The following IKBKB variants were observed in gnomAD, a reference collection of about 807,000 sequenced individuals.
The protein encoded by IKBKB is inhibitor of nuclear factor kappa-B kinase subunit beta.
Under a neutral mutation model 113.6 loss-of-function variants are expected in IKBKB, and 42 were observed. The observed-to-expected ratio is 0.37, with a 90% confidence interval of 0.29 to 0.48. IKBKB has a LOEUF of 0.48. IKBKB is among the 20% of genes least tolerant of loss of function. IKBKB has a pLI of 0.99. For missense variants in IKBKB, 673 were observed against 939.7 expected (o/e 0.72, Z 3.71); for synonymous variants, 296 against 361.3 (o/e 0.82, Z 2.05).
chr8:42,324,289 A>G (rs1476792220), intron 19 of IKBKB, among the ~76,000 whole-genome samples: 1 of 151,748 alleles, frequency 6.6e-6, no homozygotes, highest in Non-Finnish European at 1.5e-5. Context: ...TTTCGAGACA[A>G]AGTCTCGCTC....
intron 2 of IKBKB, among the ~76,000 whole-genome samples, chr8:42,278,052 T>G (rs1272299715): frequency 6.6e-6 from 1 of 152,214 alleles, no homozygotes; most frequent in Non-Finnish European, 1.5e-5. Context: ...AAGGACCCAG[T>G]GCACTGAGAC....
At position 42,316,104 on chromosome 8, in the gene IKBKB, T is replaced by C; in HGVS notation, c.801-106T>C. On this transcript the variant is annotated intron_variant, in intron 9 of 21. Transcript: ENST00000520810. This position sits in a 1 kb window ranked among gnomAD's most constrained non-coding sequence, Gnocchi z 4.5. ...GTTTCTGATAAACCCATTTTCATTTTCAATCACCGTCTACTGGCTGCCGTC... is the reference window on the plus strand; with the variant it reads ...GTTTCTGATAAACCCATTTTCATTTCCAATCACCGTCTACTGGCTGCCGTC... 1 of 1,249,076 alleles carries C rather than the reference T, an allele frequency of 8.0e-7. No individual in the cohort carries two copies. Among genetic ancestry groups the C allele is most frequent in the East Asian group, 2.4e-5 (1 of 41,320 alleles). 77.4% of individuals were successfully genotyped at this position (1,249,076 alleles called of 1,614,324 possible).
chr8:42,297,906 A>G (rs1416112503), intron 5 of IKBKB, among the ~76,000 whole-genome samples: 1 of 151,888 alleles, frequency 6.6e-6, no homozygotes, highest in Non-Finnish European at 1.5e-5. Context: ...AAAAAAAAAG[A>G]AAAAAGAATG....
At chr8:42,273,941 C>T (rs183526954) in intron 2 of IKBKB, among the ~76,000 whole-genome samples, 123 of 152,158 alleles carry the variant, frequency 8.1e-4, no homozygotes, top group Non-Finnish European at 1.4e-3. Flanking sequence ...ATGATCAAAT[C>T]GGGGTAATTG....
In IKBKB at chr8:42,322,102, A is replaced by G; in HGVS notation, c.1787A>G (p.Gln596Arg). ...CAGGAAATGGTACGGCTGCTGCTTC[A>G]GGCAATTCAGAGCTTCGAGAAGAAA... Reference protein sequence around the residue: ...DSQEMVRLLLQAIQSFEKKVR... With the variant: ...DSQEMVRLLLRAIQSFEKKVR... The change falls in exon 18 of 22, where the codon CAG becomes CGG. Residue 596 changes from glutamine (Q) to arginine (R), a missense_variant. Coordinates refer to ENST00000520810, the MANE Select transcript of IKBKB (RefSeq NM_001556.3). The G allele has an allele frequency of 6.2e-7, 1 of 1,613,940 alleles. No homozygotes were observed. The highest frequency in any genetic ancestry group is 8.5e-7 in the Non-Finnish European group (1 of 1,179,980).
intron 19 of IKBKB, 123 bp downstream of exon 19, chr8:42,322,617 C>G: frequency 3.0e-6 from 3 of 994,632 alleles, no homozygotes; most frequent in Non-Finnish European, 4.5e-6. Context: ...TCAGCTGCTG[C>G]TCGGGCTTCA....
chr8:42,319,788 GC>G, intron 15 of IKBKB, 142 bp downstream of exon 15: 1 of 712,880 alleles, frequency 1.4e-6, no homozygotes. Context: ...AACTGGACCA[GC>G]TGAAAAGAGG....
intron 8 of IKBKB, among the ~76,000 whole-genome samples, chr8:42,313,051 C>T (rs150048875): frequency 9.2e-5 from 14 of 152,242 alleles, no homozygotes; most frequent in Non-Finnish European, 5.9e-5. Flanking sequence ...GGGCCTGTCA[C>T]GGCAATAAGT....
intron 2 of IKBKB, among the ~76,000 whole-genome samples, chr8:42,273,406 C>T (rs1364870860): frequency 1.4e-5 from 2 of 144,304 alleles, no homozygotes; most frequent in East Asian, 3.9e-4. Context: ...CAGAATGAGA[C>T]CCTGTCTCAA....
chr8:42,301,899 C>A (rs1815291180), intron 5 of IKBKB, among the ~76,000 whole-genome samples: 2 of 152,192 alleles, frequency 1.3e-5, no homozygotes, highest in Admixed American at 6.5e-5. Context: ...TAGCCTCCAG[C>A]TCTGGGGGCC....
At chr8:42,329,092 C>G in intron 20 of IKBKB, 32 bp from the exon 21 acceptor site, 1 of 1,551,080 alleles carries the variant, frequency 6.4e-7, no homozygotes, top group Non-Finnish European at 8.8e-7. Flanking sequence ...CTAATAATGA[C>G]CACTTTCTAA....
intron 20 of IKBKB, among the ~76,000 whole-genome samples, chr8:42,328,296 A>G (rs1277000821): frequency 7.2e-6 from 1 of 138,704 alleles, no homozygotes; most frequent in Non-Finnish European, 1.5e-5. Context: ...CCAACCTCTC[A>G]TGAGCTCCTG....
At chr8:42,309,617 C>T (rs550073531) in intron 8 of IKBKB, 161 of 212,686 alleles carry the variant, frequency 7.6e-4, no homozygotes, top group Non-Finnish European at 1.2e-3. Flanking sequence ...GGTGTGGTGG[C>T]GGGCGCCTGT....
Position 42,271,423 on chromosome 8 carries a change from T to TCCCCCCCCCCGGGGGCCCCCCCCCCGCCC in IKBKB, c.-61_-60insCCCCCCGGGGGCCCCCCCCCCGCCCCCCC. The TCCCCCCCCCCGGGGGCCCCCCCCCCGCCC allele has an allele frequency of 6.7e-7, 1 of 1,488,668 alleles. No homozygotes were observed. The highest frequency in any genetic ancestry group is 9.0e-7 in the Non-Finnish European group (1 of 1,111,964). The allele number at this position is 1,488,668 out of a possible 1,614,324, so 92.2% of individuals were successfully genotyped here. ...GGGTTTGGCCGCCCCAGCCCCGCCT[T>TCCCCCCCCCCGGGGGCCCCCCCCCCGCCC]CCCCGCCCCGGGGAGCCCGCCCCCT... On this transcript the variant is annotated 5_prime_UTR_variant, in exon 1 of 22. An upstream open reading frame in the 5' UTR loses its in-frame stop. Transcript: ENST00000520810.
chr8:42,285,405 A>T (rs540735865), intron 2 of IKBKB, among the ~76,000 whole-genome samples: 133 of 152,180 alleles, frequency 8.7e-4, no homozygotes, highest in Non-Finnish European at 1.6e-3. Context: ...AAAATAAAAA[A>T]AATTAGCTGG....
chr8:42,317,486 C>G (rs1237068507), intron 11 of IKBKB, among the ~76,000 whole-genome samples, 171 bp from the exon 12 acceptor site: 51 of 152,154 alleles, frequency 3.4e-4, no homozygotes, highest in Non-Finnish European at 7.3e-5. Context: ...AGAGTGTGTT[C>G]AGACAGTAAG....
At chr8:42,296,411 C>G (rs1344922598) in intron 5 of IKBKB, among the ~76,000 whole-genome samples, 1 of 152,208 alleles carries the variant, frequency 6.6e-6, no homozygotes, top group Non-Finnish European at 1.5e-5. Flanking sequence ...GTGGGCAGAT[C>G]ACGAGGTCCG....
At position 42,318,762 on chromosome 8, in the gene IKBKB, C is replaced by T. The variant is rs1355492276; in HGVS notation, c.1364+87C>T. On this transcript the variant is annotated intron_variant, in intron 13 of 21. Coordinates refer to ENST00000520810, the MANE Select transcript of IKBKB (RefSeq NM_001556.3). ...ACAGGGAGGTGGTTGAGGCAGGGAC[C>T]CAGAAGCAACCGTTATGAGCAACAA... 7 of 1,265,392 alleles carry T rather than the reference C, an allele frequency of 5.5e-6. No homozygotes were observed. In the African/African-American group the frequency reaches 1.1e-4, roughly 19 times the overall value. 78.4% of individuals were successfully genotyped at this position (1,265,392 alleles called of 1,614,324 possible). A position where few individuals can be genotyped will look rare whatever the true frequency, so the allele number is the denominator to read the frequency against.
chr8:42,288,523 G>C (rs552302701), intron 2 of IKBKB, 111 bp from the exon 3 acceptor site: 2 of 705,444 alleles, frequency 2.8e-6, no homozygotes, highest in Middle Eastern at 3.9e-4. Flanking sequence ...TGGAGCACCA[G>C]GAGGTGATTG....
Sources: gnomAD v4.1 joint callset for allele counts (sites outside exome capture counted in the v4.1 genomes callset) on GRCh38, gnomAD v4.1.1 for gene constraint, Gnocchi (gnomAD v3.1) non-coding constraint, MANE v1.5 for transcripts, NCBI Gene and HGNC (gene_info 2026-07-23, HGNC 2026-07-21) for gene names.